HTR4: variants seen among roughly 807,000 people sequenced by gnomAD.
HTR4 encodes 5-hydroxytryptamine (serotonin) receptor 4, G protein-coupled.
HTR4 carries 16 observed loss-of-function variants against 36.8 expected under a neutral mutation model. The observed-to-expected ratio is 0.43, with a 90% CI of 0.29 to 0.66. The LOEUF (loss-of-function observed/expected upper bound fraction) is 0.66. HTR4 is among the 30% of genes least tolerant of loss of function. The pLI is 0.13. For missense variants in HTR4, 438 were observed against 490.9 expected (o/e 0.89, Z 1.02); for synonymous variants, 189 against 185.1 (o/e 1.02, Z -0.17).
intron 2 of HTR4, among the ~76,000 whole-genome samples, chr5:148,566,870 A>T (rs1233975844): frequency 1.3e-5 from 2 of 152,078 alleles, no homozygotes; most frequent in Admixed American, 6.6e-5. Flanking sequence ...ATATTAATCT[A>T]AAAAAATTTG....
chr5:148,606,814 T>A (rs1440055716), intron 2 of HTR4, among the ~76,000 whole-genome samples: 2 of 152,224 alleles, frequency 1.3e-5, no homozygotes, highest in East Asian at 3.8e-4. Flanking sequence ...TATAACTGAT[T>A]TGTCACTTCT....
At chr5:148,578,664 C>T (rs1384788606) in intron 2 of HTR4, among the ~76,000 whole-genome samples, 2 of 152,024 alleles carry the variant, frequency 1.3e-5, no homozygotes, top group Non-Finnish European at 2.9e-5. Context: ...GGAGTCAATA[C>T]AATATTTACC....
chr5:148,647,021 G>A (rs1356364605), intron 1 of HTR4, among the ~76,000 whole-genome samples: 1 of 152,148 alleles, frequency 6.6e-6, no homozygotes, highest in East Asian at 1.9e-4. Flanking sequence ...GCACTTGAAA[G>A]ACAATATGTT....
At chr5:148,609,600 A>C (rs1752324769) in intron 2 of HTR4, among the ~76,000 whole-genome samples, 1 of 139,820 alleles carries the variant, frequency 7.2e-6, no homozygotes, top group African/African-American at 2.7e-5. Context: ...TTTTTTTGAG[A>C]CTCCGCCCAG....
chr5:148,610,854 CAAGGCTCCAGAACTAT>C (rs1215795358), intron 2 of HTR4, among the ~76,000 whole-genome samples: 2 of 145,076 alleles, frequency 1.4e-5, no homozygotes, highest in African/African-American at 5.3e-5. Context: ...AGCTGAAAAC[CAAGGCTCCAGAACTAT>C]GTGAAGAATG....
chr5:148,606,808 A>G (rs977412263), intron 2 of HTR4, among the ~76,000 whole-genome samples: 12 of 152,208 alleles, frequency 7.9e-5, no homozygotes, highest in African/African-American at 2.9e-4. Context: ...TAGGTCTATA[A>G]CTGATTTGTC....
At chr5:148,470,399 G>T (rs969358630) in intron 5 of HTR4, among the ~76,000 whole-genome samples, 1 of 152,314 alleles carries the variant, frequency 6.6e-6, no homozygotes, top group Admixed American at 6.5e-5. Flanking sequence ...GAGGCCATAA[G>T]GATTCAAATG....
At chr5:148,575,773 G>A (rs889328961) in intron 2 of HTR4, among the ~76,000 whole-genome samples, 13 of 151,770 alleles carry the variant, frequency 8.6e-5, no homozygotes, top group East Asian at 5.8e-4. Flanking sequence ...GATACATTTC[G>A]CACATATAAT....
At chr5:148,572,090 C>G (rs1760700358) in intron 2 of HTR4, among the ~76,000 whole-genome samples, 1 of 151,976 alleles carries the variant, frequency 6.6e-6, no homozygotes, top group Admixed American at 6.6e-5. Flanking sequence ...ATGGTGGGCT[C>G]TAATATGCAA....
rs144363429 is a variant in HTR4, at chr5:148,586,330, T to C, written c.27-36068A>G. Among the ~76,000 whole-genome samples, 234 of 152,156 alleles carry C rather than the reference T, an allele frequency of 1.5e-3. 1 individual carries two copies. The highest frequency in any genetic ancestry group is 5.4e-3 in the African/African-American group (224 of 41,518). The stretch of plus-strand genomic sequence containing the variant: ...TGTGAGCTATACTTGGCAATCTATG[T>C]TGAACAAATGAATGAATAAATCCTG... On this transcript the variant is annotated intron_variant, in intron 2 of 6. Transcript: ENST00000377888.
intron 2 of HTR4, among the ~76,000 whole-genome samples, chr5:148,616,697 T>C (rs1752704063): frequency 6.6e-6 from 1 of 152,202 alleles, no homozygotes; most frequent in Non-Finnish European, 1.5e-5. Flanking sequence ...AATAATATAA[T>C]ATAAATTAAG....
At chr5:148,542,982 C>T (rs1438415836) in intron 4 of HTR4, among the ~76,000 whole-genome samples, 1 of 152,162 alleles carries the variant, frequency 6.6e-6, no homozygotes, top group African/African-American at 2.4e-5. Flanking sequence ...GACCTCTGCC[C>T]AGTAACCAGG....
intron 2 of HTR4, among the ~76,000 whole-genome samples, chr5:148,570,670 G>A (rs1760638010): frequency 6.6e-6 from 1 of 152,038 alleles, no homozygotes; most frequent in South Asian, 2.1e-4. Flanking sequence ...CACATCAGGA[G>A]GGGGTTGGAA....
At chr5:148,625,247 C>T (rs1194029233) in intron 2 of HTR4, among the ~76,000 whole-genome samples, 1 of 152,062 alleles carries the variant, frequency 6.6e-6, no homozygotes, top group Non-Finnish European at 1.5e-5. Flanking sequence ...CTTAAGACAG[C>T]AATGACAGGA....
Position 148,492,814 on chromosome 5 carries a change from A to G in HTR4, c.1077-9521T>C, listed in dbSNP as rs934912788. 3.9e-5 allele frequency among the ~76,000 whole-genome samples: 6 copies of G among 151,904 alleles called. No individual in the cohort carries two copies. The East Asian group carries it at 1.2e-3, about 29-fold the overall frequency. ...ATATTGACACTAAATGGTAGATCTC[A>G]GACAGGACTGAAACCCAGGTGGGCC... On this transcript the variant is annotated intron_variant, in intron 6 of 6. Coordinates refer to ENST00000377888, the MANE Select transcript of HTR4 (RefSeq NM_000870.7).
downstream of HTR4, among the ~76,000 whole-genome samples, chr5:148,477,841 C>T (rs1328569725): frequency 6.6e-5 from 10 of 152,130 alleles, no homozygotes; most frequent in African/African-American, 2.4e-4. Context: ...TTGCTTTTCC[C>T]TTCGCCTGAC....
intron 4 of HTR4, among the ~76,000 whole-genome samples, chr5:148,547,527 A>AAAAT (rs1759439793): frequency 8.8e-5 from 1 of 11,404 alleles, no homozygotes; most frequent in East Asian, 2.6e-3. Flanking sequence ...TCAAAAAATA[A>AAAAT]AAATAAAATA....
At chr5:148,472,289 G>A (rs1427839263), downstream of HTR4, among the ~76,000 whole-genome samples, 2 of 152,114 alleles carry the variant, frequency 1.3e-5, no homozygotes, top group African/African-American at 2.4e-5. Context: ...GCACACAGTG[G>A]GTGTCTCCTT....
chr5:148,454,246 C>T (rs1337294098), intron 5 of HTR4, among the ~76,000 whole-genome samples: 1 of 152,148 alleles, frequency 6.6e-6, no homozygotes, highest in Admixed American at 6.5e-5. Context: ...CATAGCTTTG[C>T]TCTGTGGATT....
Sources: gnomAD v4.1 joint callset for allele counts (sites outside exome capture counted in the v4.1 genomes callset) on GRCh38, gnomAD v4.1.1 for gene constraint, MANE v1.5 for transcripts, NCBI Gene and HGNC (gene_info 2026-07-23, HGNC 2026-07-21) for gene names.